The following COG5 variants were observed in gnomAD, a reference collection of about 807,000 sequenced individuals.
COG5 encodes component of oligomeric golgi complex 5.
In COG5, 86 loss-of-function variants were observed where a neutral mutation model predicts 110.4. The ratio of observed to expected loss-of-function variants is 0.78; its 90% CI spans 0.65 to 0.93. COG5 has a LOEUF of 0.93. Among genes scored for constraint, COG5 ranks in the 40% least tolerant of loss-of-function variants. COG5 has a pLI of 0.00. For synonymous variants in COG5, 360 were observed against 334.6 expected, an observed-to-expected ratio of 1.08 and a Z score of -0.83; for missense variants, 1,077 against 987.0, an observed-to-expected ratio of 1.09 and a Z score of -1.22.
chr7:107,562,422 T>C (rs928945454), intron 1 of COG5, among the ~76,000 whole-genome samples: 4 of 152,204 alleles, frequency 2.6e-5, no homozygotes, highest in African/African-American at 9.7e-5. Flanking sequence ...CCTAACCAGT[T>C]TCCAACCCCC....
At chr7:107,275,512 T>C (rs1046771460) in intron 14 of COG5, among the ~76,000 whole-genome samples, 3 of 152,084 alleles carry the variant, frequency 2.0e-5, no homozygotes, top group Non-Finnish European at 4.4e-5. Context: ...TATGGGGTGA[T>C]AATCCATGTA....
In COG5 at chr7:107,530,617, A is replaced by AC. The variant is rs1265301912; in HGVS notation, c.418-3261_418-3260insG. On this transcript the variant is annotated intron_variant, in intron 5 of 21. Coordinates refer to ENST00000297135, the MANE Select transcript of COG5 (RefSeq NM_006348.5). Reference sequence around the variant, plus strand: ...ACTCCATCTCAAAAAAAAAAAAAAAAAAAAAAAAACACAGTTTTCAGCACT... The same window carrying AC: ...ACTCCATCTCAAAAAAAAAAAAAAAACAAAAAAAAACACAGTTTTCAGCACT... Among the ~76,000 whole-genome samples the AC allele has an allele frequency of 7.9e-5, 12 of 151,208 alleles. No homozygotes were observed. The East Asian group carries it at 1.9e-3, about 24-fold the overall frequency.
intron 6 of COG5, among the ~76,000 whole-genome samples, chr7:107,503,238 C>T (rs545237869): frequency 3.9e-5 from 6 of 152,092 alleles, no homozygotes; most frequent in South Asian, 2.1e-4. Context: ...TTCTCAGCAG[C>T]ATTTATTTAA....
chr7:107,325,987 A>C (rs931412841), intron 10 of COG5, among the ~76,000 whole-genome samples: 1 of 152,240 alleles, frequency 6.6e-6, no homozygotes, highest in African/African-American at 2.4e-5. Context: ...ATCTTAGTTT[A>C]AAGTAGATGC....
Position 107,203,836 on chromosome 7 carries a change from T to C in COG5, c.2376-206A>G, listed in dbSNP as rs12537730. On this transcript the variant is annotated intron_variant, in intron 21 of 21. Transcript: ENST00000297135. ...GGTTACTACGTTTAGTGTGAAAAAC[T>C]ATAACCATGTTTTCAGTCTGCATTG... is the stretch of plus-strand genomic sequence containing the variant. 0.16 allele frequency among the ~76,000 whole-genome samples: 23,776 copies of C among 152,202 alleles called. 2,322 individuals are homozygous for C. The highest frequency in any genetic ancestry group is 0.22 in the Non-Finnish European group (14,671 of 67,982).
intron 7 of COG5, among the ~76,000 whole-genome samples, chr7:107,397,177 A>T (rs377254057): frequency 2.6e-5 from 4 of 152,324 alleles, no homozygotes; most frequent in African/African-American, 9.6e-5. Context: ...AGTGAGACAT[A>T]AGGACATGTT....
At chr7:107,375,337 C>T (rs1472745531) in intron 7 of COG5, among the ~76,000 whole-genome samples, 1 of 151,984 alleles carries the variant, frequency 6.6e-6, no homozygotes, top group African/African-American at 2.4e-5. Flanking sequence ...ACATTCTGTA[C>T]ACCTCTATTA....
At chr7:107,219,678 A>C (rs144935487) in intron 19 of COG5, among the ~76,000 whole-genome samples, 1,580 of 152,254 alleles carry the variant, frequency 0.01, 13 homozygotes, top group Non-Finnish European at 0.013. Context: ...CCAGAGGCTA[A>C]GGGGGGAGGA....
chr7:107,526,234 A>C (rs1438337115), intron 6 of COG5, among the ~76,000 whole-genome samples: 1 of 152,222 alleles, frequency 6.6e-6, no homozygotes, highest in Non-Finnish European at 1.5e-5. Context: ...GAGCCTACAA[A>C]GTACAAATGC....
At chr7:107,501,418 AAC>A (rs1048342391) in intron 6 of COG5, among the ~76,000 whole-genome samples, 7 of 152,072 alleles carry the variant, frequency 4.6e-5, no homozygotes, top group Admixed American at 1.3e-4. Context: ...AGCAAGGTAA[AAC>A]ACAGAGCTTC....
At chr7:107,212,185 T>C (rs73415412) in intron 19 of COG5, among the ~76,000 whole-genome samples, 9,966 of 152,302 alleles carry the variant, frequency 0.065, 385 homozygotes, top group African/African-American at 0.1. Flanking sequence ...TTAGTAAAGA[T>C]GGCTTTATAT....
Position 107,201,556 on chromosome 7 carries a change from TGA to T in COG5, c.*1958_*1959del, listed in dbSNP as rs1397096674. The T allele has an allele frequency of 3.7e-6, 2 of 538,130 alleles. No homozygotes were observed. Among genetic ancestry groups the T allele is most frequent in the East Asian group, 6.0e-5 (2 of 33,480 alleles). The allele number at this position is 538,130 out of a possible 1,614,324, so 33.3% of individuals were successfully genotyped here. ...TGTGACCATAAGATACTGATAGCAT[TGA>T]GTCTTGAAATGATTTAATAATATGA... On this transcript the variant is annotated 3_prime_UTR_variant, in exon 22 of 22. Coordinates refer to ENST00000297135, the MANE Select transcript of COG5 (RefSeq NM_006348.5).
chr7:107,386,215 G>A lies in COG5; in HGVS notation c.670-13455C>T, dbSNP rs546943080. Among the ~76,000 whole-genome samples, 8 of 134,318 alleles carry A rather than the reference G, an allele frequency of 6.0e-5. No homozygotes were observed. In the Admixed American group the frequency reaches 6.3e-4, roughly 11 times the overall value. 88.1% of individuals were successfully genotyped at this position (134,318 alleles called of 152,430 possible). ...AGTCTATCTAAATAGCTTCTTTAAA[G>A]ACTAAACTTAGACCATCCGCAGGTA... is the stretch of plus-strand genomic sequence containing the variant. On this transcript the variant is annotated intron_variant, in intron 7 of 21. Transcript: ENST00000297135.
chr7:107,280,553 G>C (rs1004638612), intron 14 of COG5, among the ~76,000 whole-genome samples: 1 of 151,944 alleles, frequency 6.6e-6, no homozygotes, highest in South Asian at 2.1e-4. Flanking sequence ...ACATTCTAAA[G>C]ATAGTGGAGA....
At chr7:107,447,601 T>C (rs1396786158) in intron 6 of COG5, among the ~76,000 whole-genome samples, 1 of 152,190 alleles carries the variant, frequency 6.6e-6, no homozygotes, top group East Asian at 1.9e-4. Context: ...CAAGGTATTA[T>C]ATTAGAGGCT....
At chr7:107,324,626 A>T in intron 10 of COG5, 105 bp from the exon 11 acceptor site, 2 of 639,670 alleles carry the variant, frequency 3.1e-6, no homozygotes, top group Non-Finnish European at 5.4e-6. Context: ...AAATTTAAAT[A>T]AAAATTTTAG....
chr7:107,544,752 C>A (rs879552129), intron 5 of COG5, among the ~76,000 whole-genome samples: 10 of 152,214 alleles, frequency 6.6e-5, no homozygotes, highest in Non-Finnish European at 1.0e-4. Flanking sequence ...GAATCACAAT[C>A]AGGGAAACAT....
chr7:107,529,083 G>A (rs1421782930), intron 5 of COG5, among the ~76,000 whole-genome samples: 1 of 147,976 alleles, frequency 6.8e-6, no homozygotes, highest in Non-Finnish European at 1.5e-5. Flanking sequence ...TGACAATTGG[G>A]GCATCTTTAT....
rs2129050173 is a variant in COG5 at position 107,372,760 on chromosome 7, T to C, written c.670A>G (p.Asn224Asp). 6.2e-7 allele frequency: 1 copy of C among 1,613,422 alleles called. No individual in the cohort carries two copies. Among genetic ancestry groups the C allele is most frequent in the Non-Finnish European group, 8.5e-7 (1 of 1,179,662 alleles). Residue 224 changes from asparagine (N) to aspartate (D), a missense_variant and splice_region_variant, in exon 8 of 22, where the codon AAT becomes GAT. Physicochemically the swap from Asn to Asp is conservative, Grantham distance 23 (BLOSUM62 1). Coordinates refer to ENST00000297135, the MANE Select transcript of COG5 (RefSeq NM_006348.5). ...RLLEQGLETQ[N>D]PTQVGTALQV... ...AGAGCTGTTCCGACTTGAGTTGGAT[T>C]CTTAAAAAAAGGTGGGGTGGGGTGG...
Sources: allele counts gnomAD v4.1 joint callset (sites outside exome capture counted in the v4.1 genomes callset), GRCh38; gene constraint gnomAD v4.1.1; transcripts MANE v1.5; gene names NCBI Gene and HGNC (gene_info 2026-07-23, HGNC 2026-07-21).